LIPA: variants seen among roughly 807,000 people sequenced by gnomAD.
LIPA encodes lysosomal acid lipase/cholesteryl ester hydrolase.
In LIPA, 26 loss-of-function variants were observed where a neutral mutation model predicts 40.6. The ratio of observed to expected loss-of-function variants is 0.64; its 90% CI spans 0.47 to 0.89. LIPA has a LOEUF of 0.89. Ranked by LOEUF, LIPA falls within the 40% of genes least tolerant of loss-of-function variation. LIPA has a pLI of 0.00. For synonymous variants in LIPA, 188 were observed against 168.4 expected (o/e 1.12, Z -0.90); for missense variants, 455 against 479.6 (o/e 0.95, Z 0.48).
At chr10:89,315,607 G>A (rs1474495171) in intron 1 of LIPA, among the ~76,000 whole-genome samples, 1 of 152,048 alleles carries the variant, frequency 6.6e-6, no homozygotes, top group Non-Finnish European at 1.5e-5. Flanking sequence ...ACCTCTCAGG[G>A]TAGTATCAAC....
chr10:89,222,521 T>G lies in LIPA; in HGVS notation c.884A>C (p.His295Pro). The G allele has an allele frequency of 6.2e-7, 1 of 1,608,474 alleles. No homozygotes were observed. The highest frequency in any genetic ancestry group is 8.5e-7 in the Non-Finnish European group (1 of 1,174,808). Residue 295 changes from histidine (H) to proline (P), a missense_variant, in exon 8 of 10, where the codon CAC (histidine) becomes CCC (proline). Transcript: ENST00000336233. ...TCCTGGAATGCCTACCTGGCTCCAG[T>G]GTAACATGTTTTGCACAGAAGTTCC... is the stretch of plus-strand genomic sequence containing the variant. ...PAGTSVQNML[H>P]WSQAVKFQKF...
At chr10:89,377,919 G>A (rs1218690491) in intron 2 of LIPA, 7 of 519,760 alleles carry the variant, frequency 1.3e-5, no homozygotes, top group Non-Finnish European at 2.1e-5. Flanking sequence ...AACTCAGCAT[G>A]TATTTGTAAT....
At chr10:89,392,465 T>TCCCCCCCC in intron 2 of LIPA, 1 of 346,816 alleles carries the variant, frequency 2.9e-6, no homozygotes. Flanking sequence ...CAAAGTTTCA[T>TCCCCCCCC]TCCCCACCCC....
At chr10:89,291,554 T>A (rs1275729975) in intron 1 of LIPA, among the ~76,000 whole-genome samples, 1 of 151,456 alleles carries the variant, frequency 6.6e-6, no homozygotes, top group Non-Finnish European at 1.5e-5. Flanking sequence ...GCCTTTTGAT[T>A]TTTTTTTTCT....
At chr10:89,306,753 C>T (rs370750247) in intron 1 of LIPA, 8 of 1,613,956 alleles carry the variant, frequency 5.0e-6, no homozygotes, top group South Asian at 2.2e-5. Flanking sequence ...CCAGACAAAG[C>T]GATTGAACTG....
At chr10:89,403,932 G>A in intron 2 of LIPA, 1 of 408,152 alleles carries the variant, frequency 2.5e-6, no homozygotes, top group Non-Finnish European at 4.3e-6. Context: ...GTGCTATGTA[G>A]TAGAGAAAAA....
intron 1 of LIPA, among the ~76,000 whole-genome samples, chr10:89,329,065 C>A (rs1028563916): frequency 6.6e-6 from 1 of 152,012 alleles, no homozygotes; most frequent in Non-Finnish European, 1.5e-5. Flanking sequence ...CAGGGGATAG[C>A]ATGTTAGGGA....
At chr10:89,303,560 A>G (rs1332991536) in intron 1 of LIPA, among the ~76,000 whole-genome samples, 1 of 152,220 alleles carries the variant, frequency 6.6e-6, no homozygotes, top group Non-Finnish European at 1.5e-5. Flanking sequence ...CTAACTTACC[A>G]GTGGAAATAA....
chr10:89,248,726 C>T (rs1409393159), intron 1 of LIPA, among the ~76,000 whole-genome samples: 1 of 147,318 alleles, frequency 6.8e-6, no homozygotes, highest in Non-Finnish European at 1.5e-5. Flanking sequence ...CTCGTGATCA[C>T]GCCTCGGCCT....
rs567174182 is a variant in LIPA at position 89,213,813 on chromosome 10, G to T, written c.*1015C>A. 2 of 152,176 alleles carry T rather than the reference G, an allele frequency of 1.3e-5. No individual in the cohort carries two copies. The highest frequency in any genetic ancestry group is 1.5e-5 in the Non-Finnish European group (1 of 68,026). 9.4% of individuals were successfully genotyped at this position (152,176 alleles called of 1,614,324 possible). On this transcript the variant is annotated 3_prime_UTR_variant, in exon 10 of 10. Coordinates refer to ENST00000336233, the MANE Select transcript of LIPA (RefSeq NM_000235.4). ...CCCAACATAGGGACGTGAAGCAGGT[G>T]TATTAAAAATAAGGATGCATATAAA...
At chr10:89,370,518 G>A (rs1028420671) in intron 2 of LIPA, among the ~76,000 whole-genome samples, 3 of 152,090 alleles carry the variant, frequency 2.0e-5, no homozygotes, top group African/African-American at 7.2e-5. Flanking sequence ...ACAGGTGTGA[G>A]CCACCCAACC....
intron 1 of LIPA, chr10:89,306,952 T>A: frequency 2.5e-6 from 4 of 1,613,976 alleles, no homozygotes; most frequent in Non-Finnish European, 3.4e-6. Flanking sequence ...CCAATGATAA[T>A]CTCTTCCGTG....
At chr10:89,413,138 G>C (rs1841489624) in intron 1 of LIPA, among the ~76,000 whole-genome samples, 2 of 152,126 alleles carry the variant, frequency 1.3e-5, no homozygotes, top group Admixed American at 1.3e-4. Context: ...AGTTTGCTGA[G>C]GATAATCACT....
intron 8 of LIPA, among the ~76,000 whole-genome samples, chr10:89,218,346 C>A (rs1005013106): frequency 3.9e-5 from 6 of 152,100 alleles, no homozygotes; most frequent in African/African-American, 1.4e-4. Flanking sequence ...CTGCAAAAAA[C>A]AAAATGATAA....
chr10:89,376,677 A>G (rs1187944189), intron 2 of LIPA, among the ~76,000 whole-genome samples: 2 of 152,242 alleles, frequency 1.3e-5, no homozygotes, highest in East Asian at 3.8e-4. Context: ...TTCGAAAATA[A>G]TCAAGCAGCC....
chr10:89,414,624 T>C (rs1426607483), upstream of LIPA: 8 of 547,126 alleles, frequency 1.5e-5, no homozygotes, highest in Non-Finnish European at 2.4e-5. Context: ...TTGCTGGGGC[T>C]GGGGTCTCTC....
intron 2 of LIPA, among the ~76,000 whole-genome samples, chr10:89,246,124 C>T (rs964715057): frequency 5.3e-5 from 8 of 152,074 alleles, no homozygotes; most frequent in Non-Finnish European, 1.0e-4. Flanking sequence ...TCATTTCTTT[C>T]TTTTCTAAAT....
chr10:89,306,967 T>C lies in LIPA; in HGVS notation c.-2+35644A>G, dbSNP rs114752135. Reference sequence around the variant, plus strand: ...CCAATGATAATCTCTTCCGTGTCTGTTCCATTCTTGCCAGCCTCCATGCTC... The same window carrying C: ...CCAATGATAATCTCTTCCGTGTCTGCTCCATTCTTGCCAGCCTCCATGCTC... On this transcript the variant is annotated intron_variant, in intron 1 of 5. Coordinates refer to the LIPA transcript ENST00000282673. 2.3e-5 allele frequency: 37 copies of C among 1,614,070 alleles called. No homozygotes were observed. The African/African-American group carries it at 4.3e-4, about 19-fold the overall frequency.
In LIPA at chr10:89,235,985, A is replaced by G. The variant is rs925801512; in HGVS notation, c.230-7587T>C. ...CCACTCATACATGGATTTTTTTTCA[A>G]TAAACATTGAAAAATTTGTTGGAGA... On this transcript the variant is annotated intron_variant, in intron 3 of 9. Coordinates refer to ENST00000336233, the MANE Select transcript of LIPA (RefSeq NM_000235.4). Among the ~76,000 whole-genome samples, 4 of 152,316 alleles carry G rather than the reference A, an allele frequency of 2.6e-5. No homozygotes were observed. In the South Asian group the frequency reaches 6.2e-4, roughly 24 times the overall value.
Sources: allele counts gnomAD v4.1 joint callset (sites outside exome capture counted in the v4.1 genomes callset), GRCh38; gene constraint gnomAD v4.1.1; transcripts MANE v1.5; gene names NCBI Gene and HGNC (gene_info 2026-07-23, HGNC 2026-07-21).